CSMD1: variants seen among roughly 807,000 people sequenced by gnomAD.
The protein encoded by CSMD1 is CUB and sushi domain-containing protein 1.
CSMD1 carries 213 observed loss-of-function variants against 417.5 expected under a neutral mutation model. That is an observed-to-expected ratio of 0.51 (90% CI 0.46 to 0.57). The LOEUF (loss-of-function observed/expected upper bound fraction) is 0.57, where lower values mean the gene tolerates loss of function less well. Ranked by LOEUF, CSMD1 falls within the 20% of genes least tolerant of loss-of-function variation. CSMD1 has a pLI of 0.00. For missense variants in CSMD1, 6,923 were observed against 4,529.7 expected (o/e 1.53, Z -15.17); for synonymous variants, 2,862 against 1,736.8 (o/e 1.65, Z -16.11).
chr8:4,499,647 C>T (rs751845444), intron 2 of CSMD1, among the ~76,000 whole-genome samples: 11 of 152,220 alleles, frequency 7.2e-5, no homozygotes, highest in African/African-American at 1.4e-4. Flanking sequence ...ATCGCCCCTG[C>T]GAGTAGGTAT....
At chr8:3,769,776 G>A (rs1451921753) in intron 5 of CSMD1, among the ~76,000 whole-genome samples, 2 of 152,234 alleles carry the variant, frequency 1.3e-5, no homozygotes, top group East Asian at 1.9e-4. Context: ...ATTTCTCACA[G>A]TCTCATAAGT....
intron 41 of CSMD1, among the ~76,000 whole-genome samples, chr8:3,139,093 C>T: frequency 6.6e-6 from 1 of 152,082 alleles, no homozygotes; most frequent in East Asian, 1.9e-4. Flanking sequence ...AGCTGGGAAG[C>T]AAAACTGCGA....
At chr8:4,986,351 A>G (rs1811177317) in intron 1 of CSMD1, among the ~76,000 whole-genome samples, 1 of 152,220 alleles carries the variant, frequency 6.6e-6, no homozygotes, top group Non-Finnish European at 1.5e-5. Flanking sequence ...AGGTAGAAGA[A>G]AATTACTCAT....
chr8:4,885,503 C>A (rs977778343), intron 1 of CSMD1, among the ~76,000 whole-genome samples: 2 of 151,960 alleles, frequency 1.3e-5, no homozygotes, highest in Non-Finnish European at 2.9e-5. Flanking sequence ...TTGAGAAACA[C>A]CACTGTAATT....
intron 3 of CSMD1, among the ~76,000 whole-genome samples, chr8:4,157,128 T>G (rs945807547): frequency 6.6e-6 from 1 of 151,494 alleles, no homozygotes; most frequent in Non-Finnish European, 1.5e-5. Context: ...ACCCTAAGAG[T>G]GTATTTTATA....
intron 5 of CSMD1, among the ~76,000 whole-genome samples, chr8:3,886,745 C>G (rs999290418): frequency 3.3e-5 from 5 of 152,114 alleles, no homozygotes; most frequent in Admixed American, 6.5e-5. Flanking sequence ...GTCATCAGCC[C>G]TATTCTCTGC....
intron 6 of CSMD1, among the ~76,000 whole-genome samples, chr8:3,721,313 T>G (rs1563309472): frequency 6.6e-6 from 1 of 152,148 alleles, no homozygotes; most frequent in Non-Finnish European, 1.5e-5. Context: ...TTCGGGTGTG[T>G]AAGTGAGTGT....
At chr8:4,506,346 G>A (rs750518767) in intron 2 of CSMD1, among the ~76,000 whole-genome samples, 4 of 151,994 alleles carry the variant, frequency 2.6e-5, no homozygotes, top group South Asian at 2.1e-4. Context: ...GGGTTAGACC[G>A]TAGCACCCAG....
At chr8:4,124,347 T>A (rs936434149) in intron 3 of CSMD1, among the ~76,000 whole-genome samples, 2 of 152,200 alleles carry the variant, frequency 1.3e-5, no homozygotes, top group African/African-American at 4.8e-5. Context: ...GAGAAACTTT[T>A]CTTTACGGAT....
chr8:4,792,726 C>G (rs553714435), intron 1 of CSMD1, among the ~76,000 whole-genome samples: 14 of 152,264 alleles, frequency 9.2e-5, no homozygotes, highest in Non-Finnish European at 1.6e-4. Flanking sequence ...TGCCAAGAAG[C>G]TGCATTCAAT....
At chr8:4,051,763 G>A (rs978262612) in intron 3 of CSMD1, among the ~76,000 whole-genome samples, 1 of 152,164 alleles carries the variant, frequency 6.6e-6, no homozygotes, top group African/African-American at 2.4e-5. Flanking sequence ...GCTGGTTTTG[G>A]TAGGGCTCCC....
intron 2 of CSMD1, among the ~76,000 whole-genome samples, chr8:4,438,926 T>C (rs1042295780): frequency 2.0e-5 from 3 of 152,366 alleles, no homozygotes; most frequent in South Asian, 2.1e-4. Context: ...AGTAACAATA[T>C]ATGGTGTAGG....
chr8:3,936,059 G>C (rs1472684782), intron 5 of CSMD1, among the ~76,000 whole-genome samples: 1 of 151,992 alleles, frequency 6.6e-6, no homozygotes, highest in Non-Finnish European at 1.5e-5. Context: ...GAGTGTCCTG[G>C]GTAAAAGACC....
intron 1 of CSMD1, among the ~76,000 whole-genome samples, chr8:4,718,670 T>G (rs1808846670): frequency 6.6e-6 from 1 of 152,066 alleles, no homozygotes; most frequent in Non-Finnish European, 1.5e-5. Flanking sequence ...AAATCTATTT[T>G]AAACTAAGAA....
chr8:4,681,099 C>G (rs1488957205), intron 1 of CSMD1, among the ~76,000 whole-genome samples: 4 of 151,988 alleles, frequency 2.6e-5, no homozygotes, highest in Admixed American at 6.6e-5. Flanking sequence ...TAATTAATGT[C>G]TCTCCTGATT....
intron 52 of CSMD1, among the ~76,000 whole-genome samples, chr8:3,008,495 A>G (rs1175458140): frequency 6.6e-6 from 1 of 152,228 alleles, no homozygotes; most frequent in East Asian, 1.9e-4. Flanking sequence ...ATTCCACTGC[A>G]CAGGTCTTTT....
intron 2 of CSMD1, among the ~76,000 whole-genome samples, chr8:4,478,782 C>A (rs1186739473): frequency 6.6e-6 from 1 of 152,136 alleles, no homozygotes; most frequent in Non-Finnish European, 1.5e-5. Context: ...ATTTTAATGG[C>A]ATTCAAAATA....
chr8:3,351,827 T>C (rs1049388047), intron 21 of CSMD1, among the ~76,000 whole-genome samples: 1 of 150,870 alleles, frequency 6.6e-6, no homozygotes, highest in Non-Finnish European at 1.5e-5. Context: ...ATTTAATTTA[T>C]ATTTTAGTAC....
intron 3 of CSMD1, among the ~76,000 whole-genome samples, chr8:4,183,752 T>A (rs144719731): frequency 9.8e-5 from 15 of 152,336 alleles, no homozygotes; most frequent in African/African-American, 3.6e-4. Context: ...AGTGAAGCAA[T>A]ATGAGTATTT....
Sources: allele counts gnomAD v4.1 joint callset (sites outside exome capture counted in the v4.1 genomes callset), GRCh38; gene constraint gnomAD v4.1.1; transcripts MANE v1.5; gene names NCBI Gene and HGNC (gene_info 2026-07-23, HGNC 2026-07-21).